Variants in HIVEP3 observed in about 807,000 individuals in gnomAD.
HIVEP3 encodes transcription factor HIVEP3.
HIVEP3 carries 49 observed loss-of-function variants against 152.8 expected under a neutral mutation model. That is an observed-to-expected ratio of 0.32 (90% confidence interval 0.26 to 0.41). HIVEP3 has a LOEUF of 0.41. Ranked by LOEUF, HIVEP3 falls within the 10% of genes least tolerant of loss-of-function variation. HIVEP3 has a pLI of 1.00. For missense variants in HIVEP3, 2,790 were observed against 3,103.3 expected (o/e 0.90, Z 2.40); for synonymous variants, 1,269 against 1,289.0 (o/e 0.98, Z 0.33).
chr1:41,874,869 C>T (rs1007051406), intron 1 of HIVEP3, among the ~76,000 whole-genome samples: 1 of 152,184 alleles, frequency 6.6e-6, no homozygotes, highest in Non-Finnish European at 1.5e-5. Flanking sequence ...GTGTGTCCAC[C>T]TCAGGAAAAG....
intron 5 of HIVEP3, among the ~76,000 whole-genome samples, chr1:41,569,071 C>G (rs6661619): frequency 0.16 from 24,448 of 152,090 alleles, 2,998 homozygotes; most frequent in East Asian, 0.47. Context: ...CCCTTCACCT[C>G]CTGCCATGAT....
chr1:41,511,368 G>A lies in HIVEP3; in HGVS notation c.6406-102C>T. On this transcript the variant is annotated intron_variant, in intron 8 of 8. Coordinates refer to ENST00000372583, the MANE Select transcript of HIVEP3 (RefSeq NM_024503.5). This position sits in a 1 kb window ranked among gnomAD's most constrained non-coding sequence, Gnocchi z 4.9. ...AGGGGGACTCGCCCAAGATCACAGA[G>A]CGAGTCCAGGGTCCCGGCTGAGCTG... The A allele has an allele frequency of 9.2e-7, 1 of 1,086,412 alleles. No homozygotes were observed. Among genetic ancestry groups the A allele is most frequent in the Non-Finnish European group, 1.3e-6 (1 of 773,572 alleles). 67.3% of individuals were successfully genotyped at this position (1,086,412 alleles called of 1,614,324 possible). A position where few individuals can be genotyped will look rare whatever the true frequency, so the allele number is the denominator to read the frequency against.
intron 1 of HIVEP3, among the ~76,000 whole-genome samples, chr1:42,034,568 G>T (rs964571889): frequency 2.6e-5 from 4 of 152,190 alleles, no homozygotes; most frequent in African/African-American, 9.7e-5. Flanking sequence ...CACTCTTAGA[G>T]GTTATCCCTA....
intron 2 of HIVEP3, among the ~76,000 whole-genome samples, chr1:41,640,220 C>G (rs990783541): frequency 8.0e-6 from 1 of 124,976 alleles, no homozygotes; most frequent in Non-Finnish European, 1.6e-5. Context: ...GAGGAACAGA[C>G]GAGACTGGAG....
At chr1:41,888,202 A>ATTTTTTTTTTTTTT (rs61561436) in intron 1 of HIVEP3, among the ~76,000 whole-genome samples, 4 of 99,202 alleles carry the variant, frequency 4.0e-5, no homozygotes, top group Non-Finnish European at 5.8e-5. Context: ...CGCCCGGCTA[A>ATTTTTTTTTTTTTT]TTTTTTTTTT....
At chr1:41,639,114 G>T (rs780666847) in intron 2 of HIVEP3, among the ~76,000 whole-genome samples, 9 of 152,222 alleles carry the variant, frequency 5.9e-5, no homozygotes, top group Non-Finnish European at 8.8e-5. Flanking sequence ...TCTGTGTGGG[G>T]CAGGGAATTG....
At chr1:41,920,231 G>A (rs1038853655), upstream of HIVEP3, among the ~76,000 whole-genome samples, 4 of 152,156 alleles carry the variant, frequency 2.6e-5, no homozygotes, top group Admixed American at 2.0e-4. Context: ...CCTGGCAGCC[G>A]GAAATGTCAC....
Position 41,518,911 on chromosome 1 carries a change from G to A in HIVEP3, c.5384-423C>T, listed in dbSNP as rs189981936. Among the ~76,000 whole-genome samples the A allele has an allele frequency of 6.6e-4, 100 of 151,292 alleles. No individual in the cohort carries two copies. The Middle Eastern group carries it at 0.01, about 15-fold the overall frequency. ...CTATTGGCCATCTCAAGTGTGGGAT[G>A]ACGTGGGAGGCTCCCATTGACCGGC... is the stretch of plus-strand genomic sequence containing the variant. On this transcript the variant is annotated intron_variant, in intron 6 of 8. Coordinates refer to ENST00000372583, the MANE Select transcript of HIVEP3 (RefSeq NM_024503.5).
At chr1:41,676,240 C>T (rs1348381678) in intron 2 of HIVEP3, among the ~76,000 whole-genome samples, 1 of 152,050 alleles carries the variant, frequency 6.6e-6, no homozygotes, top group Non-Finnish European at 1.5e-5. Flanking sequence ...TTAGTAGAGA[C>T]GGGGTTTCAC....
intron 3 of HIVEP3, among the ~76,000 whole-genome samples, chr1:41,601,480 T>C (rs1004131149): frequency 2.6e-5 from 4 of 152,170 alleles, no homozygotes; most frequent in African/African-American, 4.8e-5. Context: ...CTTAGCTAAG[T>C]TCATTCCTAA....
intron 2 of HIVEP3, among the ~76,000 whole-genome samples, chr1:41,679,546 C>A (rs1420055441): frequency 1.3e-5 from 2 of 152,202 alleles, no homozygotes; most frequent in Non-Finnish European, 2.9e-5. Context: ...GGGGAGGGGA[C>A]TGGTGGCAGG....
In HIVEP3 at chr1:41,918,382, A is replaced by G. The variant is rs1317850561; in HGVS notation, c.-801+31T>C. Reference sequence around the variant, plus strand: ...AGGTAAAATACAGCGCAAGGAATCCATCCGCCGAATAAAAACCCAGAGTCC... The same window carrying G: ...AGGTAAAATACAGCGCAAGGAATCCGTCCGCCGAATAAAAACCCAGAGTCC... On this transcript the variant is annotated intron_variant, in intron 1 of 8. Coordinates refer to ENST00000372583, the MANE Select transcript of HIVEP3 (RefSeq NM_024503.5). This position sits in a 1 kb window ranked among gnomAD's most constrained non-coding sequence, Gnocchi z 4.3. 1 of 152,270 alleles carries G rather than the reference A, an allele frequency of 6.6e-6. No homozygotes were observed. Among genetic ancestry groups the G allele is most frequent in the East Asian group, 1.9e-4 (1 of 5,196 alleles). 9.4% of individuals were successfully genotyped at this position (152,270 alleles called of 1,614,324 possible).
chr1:41,719,334 T>C (rs190407396), intron 1 of HIVEP3, among the ~76,000 whole-genome samples: 5 of 152,334 alleles, frequency 3.3e-5, no homozygotes, highest in African/African-American at 9.6e-5. Context: ...TAGATGGAAG[T>C]GAAACAGACT....
intron 1 of HIVEP3, among the ~76,000 whole-genome samples, chr1:41,770,527 T>C (rs60978614): frequency 0.034 from 5,239 of 152,204 alleles, 303 homozygotes; most frequent in African/African-American, 0.12. Flanking sequence ...GTGATTAACA[T>C]AATGAGCAAT....
In HIVEP3 at chr1:41,664,235, C is replaced by G. The variant is rs1645761235; in HGVS notation, c.-720-35288G>C. Among the ~76,000 whole-genome samples, 1 of 152,230 alleles carries G rather than the reference C, an allele frequency of 6.6e-6. No individual in the cohort carries two copies. Among genetic ancestry groups the G allele is most frequent in the African/African-American group, 2.4e-5 (1 of 41,460 alleles). On this transcript the variant is annotated intron_variant, in intron 2 of 8. Coordinates refer to ENST00000372583, the MANE Select transcript of HIVEP3 (RefSeq NM_024503.5). The surrounding 1 kb of genome is among the most constrained non-coding windows in gnomAD (Gnocchi z 4.4). ...CCTCACTCCACTCCTGCCCTGCCCC[C>G]ACTGTCCTGCTTCCCGTTTTCTGTC...
At chr1:41,954,945 C>T (rs1306757821) in intron 1 of HIVEP3, among the ~76,000 whole-genome samples, 1 of 151,000 alleles carries the variant, frequency 6.6e-6, no homozygotes, top group Non-Finnish European at 1.5e-5. Context: ...TCTTTAGGAA[C>T]CATTTTCTCA....
chr1:41,642,492 ACTCT>A (rs1346927610), intron 2 of HIVEP3, among the ~76,000 whole-genome samples: 1 of 151,288 alleles, frequency 6.6e-6, no homozygotes, highest in Non-Finnish European at 1.5e-5. Context: ...CCATGACTCT[ACTCT>A]CTCTCTGGCC....
chr1:41,892,338 G>A lies in HIVEP3; in HGVS notation c.-801+26075C>T, dbSNP rs138994730. On this transcript the variant is annotated intron_variant, in intron 1 of 8. Transcript: ENST00000372583. ...AAGAACTTGGTCAGAGACACTGAGC[G>A]GCTGGTCAATATATTTCTTACAAAT... 1.5e-3 allele frequency among the ~76,000 whole-genome samples: 225 copies of A among 152,264 alleles called. 3 individuals are homozygous for A. The highest frequency in any genetic ancestry group is 3.4e-3 in the Middle Eastern group (1 of 294).
At chr1:41,816,553 G>T (rs1305298942) in intron 1 of HIVEP3, among the ~76,000 whole-genome samples, 1 of 152,008 alleles carries the variant, frequency 6.6e-6, no homozygotes, top group Non-Finnish European at 1.5e-5. Flanking sequence ...CAGGCATGGT[G>T]GCGTAATCCC....
Sources: allele counts gnomAD v4.1 joint callset (sites outside exome capture counted in the v4.1 genomes callset), GRCh38; gene constraint gnomAD v4.1.1; non-coding constraint Gnocchi (gnomAD v3.1); transcripts MANE v1.5; gene names NCBI Gene and HGNC (gene_info 2026-07-23, HGNC 2026-07-21).